The following KLHL1 variants were observed in gnomAD, a reference collection of about 807,000 sequenced individuals.
KLHL1 encodes the protein kelch-like protein 1.
KLHL1 carries 47 observed loss-of-function variants against 77.7 expected under a neutral mutation model. That is an observed-to-expected ratio of 0.60 (90% CI 0.48 to 0.77). The LOEUF (loss-of-function observed/expected upper bound fraction) is 0.77. Ranked by LOEUF, KLHL1 falls within the 30% of genes least tolerant of loss-of-function variation. The pLI, the probability that KLHL1 is intolerant of heterozygous loss-of-function variation, is 0.00. For missense variants in KLHL1, 925 were observed against 910.8 expected (o/e 1.02, Z -0.20); for synonymous variants, 360 against 325.2 (o/e 1.11, Z -1.15).
chr13:69,716,552 A>C (rs560110303), intron 9 of KLHL1, among the ~76,000 whole-genome samples: 113 of 152,272 alleles, frequency 7.4e-4, no homozygotes, highest in Middle Eastern at 3.4e-3. Flanking sequence ...AAGATGCAGA[A>C]GTGGGTATTA....
intron 4 of KLHL1, among the ~76,000 whole-genome samples, chr13:69,912,904 C>G (rs1010220474): frequency 6.6e-6 from 1 of 152,156 alleles, no homozygotes; most frequent in East Asian, 1.9e-4. Flanking sequence ...CAGCAGCTCT[C>G]TCCTTGTGGG....
chr13:69,861,970 TA>T (rs1370819055), intron 5 of KLHL1, among the ~76,000 whole-genome samples: 1 of 69,374 alleles, frequency 1.4e-5, no homozygotes, highest in Non-Finnish European at 2.9e-5. Context: ...CGTCTCAAAA[TA>T]AAATAAAATA....
chr13:70,074,876 A>T (rs1437761206), intron 1 of KLHL1, among the ~76,000 whole-genome samples: 1 of 152,054 alleles, frequency 6.6e-6, no homozygotes, highest in Non-Finnish European at 1.5e-5. Flanking sequence ...AAAAAATTTT[A>T]AATTCTGTAG....
chr13:70,051,499 A>G (rs1566533907), intron 1 of KLHL1, among the ~76,000 whole-genome samples: 1 of 152,060 alleles, frequency 6.6e-6, no homozygotes, highest in Non-Finnish European at 1.5e-5. Flanking sequence ...GATATTCACC[A>G]TAAAGAAGTG....
At chr13:69,891,920 C>A (rs1881435962) in intron 4 of KLHL1, among the ~76,000 whole-genome samples, 1 of 151,768 alleles carries the variant, frequency 6.6e-6, no homozygotes, top group Non-Finnish European at 1.5e-5. Context: ...AAAAAATACT[C>A]CAGTCAGCTA....
chr13:69,843,355 C>G (rs1179821064), intron 5 of KLHL1, among the ~76,000 whole-genome samples: 3 of 151,480 alleles, frequency 2.0e-5, no homozygotes, highest in Non-Finnish European at 4.4e-5. Flanking sequence ...AAAGTGAATG[C>G]AAGAGTTTGG....
intron 1 of KLHL1, among the ~76,000 whole-genome samples, chr13:70,069,045 A>C (rs1165122418): frequency 1.3e-5 from 2 of 152,184 alleles, no homozygotes; most frequent in East Asian, 3.8e-4. Context: ...CTATTAAACT[A>C]TTTTGCCAGA....
At chr13:69,952,376 T>C (rs1883736646) in intron 3 of KLHL1, among the ~76,000 whole-genome samples, 1 of 151,376 alleles carries the variant, frequency 6.6e-6, no homozygotes, top group Non-Finnish European at 1.5e-5. Flanking sequence ...CTTGTAAGAC[T>C]GAATCCCATT....
intron 6 of KLHL1, 59 bp from the exon 7 acceptor site, chr13:69,797,021 C>A: frequency 7.4e-7 from 1 of 1,359,982 alleles, no homozygotes; most frequent in South Asian, 1.2e-5. Context: ...AACAGCCTGC[C>A]AAAGCAGGGT....
At chr13:70,009,796 A>G (rs17086184) in intron 1 of KLHL1, among the ~76,000 whole-genome samples, 14,669 of 152,194 alleles carry the variant, frequency 0.096, 768 homozygotes, top group Non-Finnish European at 0.11. Context: ...TTTATTGCCA[A>G]TTTGGATCCA....
chr13:69,960,805 T>C (rs1884039018), intron 3 of KLHL1, among the ~76,000 whole-genome samples: 1 of 151,646 alleles, frequency 6.6e-6, no homozygotes, highest in Non-Finnish European at 1.5e-5. Flanking sequence ...ACATAGTAGA[T>C]CAGAAAAAAA....
chr13:70,036,350 T>A (rs1018336204), intron 1 of KLHL1, among the ~76,000 whole-genome samples: 3 of 152,036 alleles, frequency 2.0e-5, no homozygotes, highest in Non-Finnish European at 4.4e-5. Flanking sequence ...TTCATGTTCA[T>A]ATATGAAGAA....
intron 1 of KLHL1, among the ~76,000 whole-genome samples, chr13:69,999,278 A>C (rs1236322853): frequency 6.6e-6 from 1 of 152,040 alleles, no homozygotes; most frequent in Admixed American, 6.6e-5. Flanking sequence ...CAGAGGGCTT[A>C]AATGAGAGCA....
chr13:69,764,338 T>C (rs1365620259), intron 7 of KLHL1, among the ~76,000 whole-genome samples: 3 of 152,192 alleles, frequency 2.0e-5, no homozygotes, highest in African/African-American at 7.2e-5. Context: ...CCTTTTTCTT[T>C]CCATAAATAT....
chr13:69,985,486 AT>A (rs1420496932), intron 1 of KLHL1, among the ~76,000 whole-genome samples: 1 of 151,810 alleles, frequency 6.6e-6, no homozygotes, highest in Non-Finnish European at 1.5e-5. Flanking sequence ...AAAGAAAAAA[AT>A]ATATAAAAAA....
At chr13:69,784,776 C>T (rs1252333026) in intron 7 of KLHL1, among the ~76,000 whole-genome samples, 16 of 151,394 alleles carry the variant, frequency 1.1e-4, no homozygotes, top group East Asian at 5.8e-4. Context: ...GACAGATCAA[C>T]GAGACAGAAA....
chr13:70,019,546 A>G (rs532686747), intron 1 of KLHL1, among the ~76,000 whole-genome samples: 15 of 152,264 alleles, frequency 9.9e-5, no homozygotes, highest in African/African-American at 3.4e-4. Context: ...TACATACTCC[A>G]TGCCAGACGA....
chr13:70,031,385 G>A (rs1258276742), intron 1 of KLHL1, among the ~76,000 whole-genome samples: 1 of 152,062 alleles, frequency 6.6e-6, no homozygotes, highest in Non-Finnish European at 1.5e-5. Context: ...AGGTCCCTAA[G>A]TCTCTGGATG....
intron 1 of KLHL1, among the ~76,000 whole-genome samples, chr13:70,001,568 C>T (rs1425270069): frequency 7.3e-6 from 1 of 137,748 alleles, no homozygotes; most frequent in Non-Finnish European, 1.6e-5. Flanking sequence ...GGATATCTAT[C>T]TATGATCTAT....
Sources: gnomAD v4.1 joint callset for allele counts (sites outside exome capture counted in the v4.1 genomes callset) on GRCh38, gnomAD v4.1.1 for gene constraint, MANE v1.5 for transcripts, NCBI Gene and HGNC (gene_info 2026-07-23, HGNC 2026-07-21) for gene names.